EML4: variants seen among roughly 807,000 people sequenced by gnomAD.
EML4 encodes the protein EMAP like 4.
A neutral mutation model predicts 129.0 loss-of-function variants in EML4; 72 were observed. The observed-to-expected ratio is 0.56, with a 90% CI of 0.46 to 0.68. The LOEUF (loss-of-function observed/expected upper bound fraction) is 0.68. Ranked by LOEUF, EML4 falls within the 30% of genes least tolerant of loss-of-function variation. EML4 has a pLI of 0.00. For missense variants in EML4, 1,363 were observed against 1,190.6 expected, an observed-to-expected ratio of 1.14 and a Z score of -2.13; for synonymous variants, 532 against 405.0, an observed-to-expected ratio of 1.31 and a Z score of -3.77.
At chr2:42,293,832 A>T (rs143334192) in intron 11 of EML4, among the ~76,000 whole-genome samples, 9 of 152,200 alleles carry the variant, frequency 5.9e-5, no homozygotes, top group African/African-American at 2.2e-4. Context: ...GCTGATCTTG[A>T]ACTCCTGACG....
chr2:42,197,409 A>C (rs1558493348), intron 1 of EML4, among the ~76,000 whole-genome samples: 3 of 151,870 alleles, frequency 2.0e-5, no homozygotes, highest in African/African-American at 7.3e-5. Flanking sequence ...AAGAAAAAGA[A>C]CCCCCCAAAA....
chr2:42,307,281 C>T (rs1042768512), intron 17 of EML4, among the ~76,000 whole-genome samples: 22 of 152,188 alleles, frequency 1.4e-4, no homozygotes, highest in African/African-American at 5.3e-4. Context: ...GAAAGTCACT[C>T]AATTTTAGTG....
chr2:42,257,680 C>CA lies in EML4; in HGVS notation c.338+1058dup, dbSNP rs572035000. On this transcript the variant is annotated intron_variant, in intron 3 of 22. Transcript: ENST00000318522. ...GAAACCCCGTCTCTACTAAAAAATA[C>CA]AAAAAAAATAGCCAGGCGTGGTGGC... 2.6e-4 allele frequency among the ~76,000 whole-genome samples: 40 copies of CA among 151,424 alleles called. 2 individuals carry two copies. In the South Asian group the frequency reaches 7.3e-3, roughly 28 times the overall value.
intron 19 of EML4, among the ~76,000 whole-genome samples, chr2:42,322,576 T>A (rs1669577159): frequency 6.6e-6 from 1 of 152,266 alleles, no homozygotes; most frequent in South Asian, 2.1e-4. Context: ...TTCATAGCCA[T>A]ATTCTTTCAC....
rs1667425592 is a variant in EML4, at chr2:42,288,272, A to G, written c.1168A>G (p.Met390Val). The G allele has an allele frequency of 1.9e-6, 3 of 1,576,796 alleles. No homozygotes were observed. Among genetic ancestry groups the G allele is most frequent in the Non-Finnish European group, 2.6e-6 (3 of 1,150,990 alleles). The change falls in exon 11 of 23, where the codon ATG becomes GTG. Residue 390 changes from methionine (M) to valine (V), a missense_variant. Coordinates refer to ENST00000318522, the MANE Select transcript of EML4 (RefSeq NM_019063.5). ...TATTATTGATGACTCCAATGAGCAT[A>G]TGCTTACTGTATGGGACTGGCAGAA... ...LCIIDDSNEH[M>V]LTVWDWQKKA...
rs140939130 is a variant in EML4, at chr2:42,188,652, G to A, written c.25+19016G>A. Among the ~76,000 whole-genome samples, 712 of 151,644 alleles carry A rather than the reference G, an allele frequency of 4.7e-3. 9 individuals are homozygous for A. Among genetic ancestry groups the A allele is most frequent in the Non-Finnish European group, 4.5e-3 (306 of 67,890 alleles). The stretch of plus-strand genomic sequence containing the variant: ...CCTCTGCCTCCTGTGTTAGCCTCCC[G>A]AGTAGCAGGGATTACAGGCACCTGC... On this transcript the variant is annotated intron_variant, in intron 1 of 22. Transcript: ENST00000318522.
intron 2 of EML4, among the ~76,000 whole-genome samples, chr2:42,250,536 A>G (rs1336354691): frequency 6.6e-6 from 1 of 152,204 alleles, no homozygotes; most frequent in Non-Finnish European, 1.5e-5. Flanking sequence ...AAGTATAGTC[A>G]TGCATCACTT....
chr2:42,281,995 A>G (rs1572683499), intron 7 of EML4, among the ~76,000 whole-genome samples: 1 of 152,056 alleles, frequency 6.6e-6, no homozygotes, highest in East Asian at 1.9e-4. Flanking sequence ...TGCCTACCAA[A>G]CTGTTCCTTG....
At chr2:42,281,122 G>A (rs569762976) in intron 7 of EML4, 149 bp downstream of exon 7, 69 of 659,360 alleles carry the variant, frequency 1.0e-4, no homozygotes, top group African/African-American at 9.6e-4. Context: ...GGCCAGGCGC[G>A]GTGGTTCACG....
chr2:42,263,160 A>G lies in EML4; in HGVS notation c.513-18A>G. 6.3e-7 allele frequency: 1 copy of G among 1,596,862 alleles called. No homozygotes were observed. Among genetic ancestry groups the G allele is most frequent in the Non-Finnish European group, 8.5e-7 (1 of 1,174,182 alleles). ...TGATACTCAGAATTTTTCTCTAAGA[A>G]ATTAATGTTCCTTCTAGCATAAAAC... is the stretch of plus-strand genomic sequence containing the variant. On this transcript the variant is annotated intron_variant, in intron 4 of 22. Coordinates refer to ENST00000318522, the MANE Select transcript of EML4 (RefSeq NM_019063.5).
intron 1 of EML4, among the ~76,000 whole-genome samples, chr2:42,196,120 T>G (rs1456247218): frequency 6.6e-6 from 1 of 152,224 alleles, no homozygotes; most frequent in Non-Finnish European, 1.5e-5. Flanking sequence ...TTGTAAAATT[T>G]ACTAGCTTTG....
At chr2:42,175,586 C>T (rs1329275502) in intron 1 of EML4, among the ~76,000 whole-genome samples, 3 of 151,934 alleles carry the variant, frequency 2.0e-5, no homozygotes, top group Admixed American at 1.3e-4. Context: ...GCAACTTCTG[C>T]CTCCTGGATT....
At chr2:42,317,386 C>A in intron 18 of EML4, 41 bp from the exon 19 acceptor site, 1 of 1,189,116 alleles carries the variant, frequency 8.4e-7, no homozygotes, top group Non-Finnish European at 1.2e-6. Flanking sequence ...ATAAATTTAT[C>A]AGTATATTTC....
intron 21 of EML4, among the ~76,000 whole-genome samples, chr2:42,326,773 G>A (rs753206333): frequency 2.8e-4 from 42 of 152,224 alleles, no homozygotes; most frequent in African/African-American, 7.5e-4. Context: ...TCCCAGTTAC[G>A]TGGGAGGCTG....
At chr2:42,211,168 G>A (rs940183028) in intron 1 of EML4, among the ~76,000 whole-genome samples, 3 of 152,146 alleles carry the variant, frequency 2.0e-5, no homozygotes, top group African/African-American at 7.2e-5. Flanking sequence ...ACATATAAAA[G>A]TATGAAATAT....
chr2:42,297,151 G>A (rs1250701611), intron 13 of EML4, among the ~76,000 whole-genome samples: 1 of 152,026 alleles, frequency 6.6e-6, no homozygotes, highest in Non-Finnish European at 1.5e-5. Flanking sequence ...AGTGGGTTGA[G>A]GGTTCTTAAA....
intron 1 of EML4, among the ~76,000 whole-genome samples, chr2:42,184,908 G>A (rs1671156615): frequency 2.0e-5 from 3 of 152,204 alleles, no homozygotes; most frequent in African/African-American, 7.2e-5. Context: ...ATTGCCTTTT[G>A]AGTGGTAACT....
rs1233260428 is a variant in EML4, at chr2:42,183,169, G to C, written c.25+13533G>C. ...TGACTGAAACTAATTATAGCTCCCA[G>C]AATGGAAATCTAATGATTTAACAAA... On this transcript the variant is annotated intron_variant, in intron 1 of 22. Coordinates refer to ENST00000318522, the MANE Select transcript of EML4 (RefSeq NM_019063.5). 2.6e-5 allele frequency among the ~76,000 whole-genome samples: 4 copies of C among 152,132 alleles called. No homozygotes were observed. The South Asian group carries it at 8.3e-4, about 32-fold the overall frequency.
At chr2:42,208,922 C>A (rs1332933982) in intron 1 of EML4, among the ~76,000 whole-genome samples, 1 of 152,044 alleles carries the variant, frequency 6.6e-6, no homozygotes, top group African/African-American at 2.4e-5. Context: ...TCAGAAGTCC[C>A]TATAGGTACC....
Sources: allele counts gnomAD v4.1 joint callset (sites outside exome capture counted in the v4.1 genomes callset), GRCh38; gene constraint gnomAD v4.1.1; transcripts MANE v1.5; gene names NCBI Gene and HGNC (gene_info 2026-07-23, HGNC 2026-07-21).